Variants in RALGPS1 observed in about 807,000 individuals in gnomAD.
RALGPS1 encodes ras-specific guanine nucleotide-releasing factor RalGPS1.
Under a neutral mutation model 78.8 loss-of-function variants are expected in RALGPS1, and 19 were observed. The observed-to-expected ratio is 0.24, with a 90% CI of 0.17 to 0.35. RALGPS1 has a LOEUF of 0.35. RALGPS1 is among the 10% of genes least tolerant of loss of function. RALGPS1 has a pLI of 1.00. For synonymous variants in RALGPS1, 228 were observed against 256.3 expected (o/e 0.89, Z 1.06); for missense variants, 454 against 688.3 (o/e 0.66, Z 3.81).
chr9:127,026,496 C>T (rs1019421242), intron 4 of RALGPS1, among the ~76,000 whole-genome samples: 3 of 152,216 alleles, frequency 2.0e-5, no homozygotes, highest in African/African-American at 7.2e-5. Flanking sequence ...TGAGTTGTAA[C>T]AGTTTATATT....
intron 8 of RALGPS1, among the ~76,000 whole-genome samples, chr9:127,086,100 C>T (rs149834162): frequency 1.0e-3 from 155 of 152,198 alleles, no homozygotes; most frequent in Admixed American, 2.3e-3. Flanking sequence ...GTGAAGGTGA[C>T]GTAAAATGCA....
At chr9:126,989,973 G>A (rs1443813961) in intron 4 of RALGPS1, 2 of 1,550,526 alleles carry the variant, frequency 1.3e-6, no homozygotes, top group Non-Finnish European at 1.7e-6. Flanking sequence ...TGCAGTTCAG[G>A]AAAACACTGC....
chr9:127,131,362 A>G (rs2056992830), intron 8 of RALGPS1, among the ~76,000 whole-genome samples: 2 of 152,218 alleles, frequency 1.3e-5, no homozygotes, highest in Non-Finnish European at 2.9e-5. Context: ...AATATTGGGT[A>G]CTCACAGGCC....
rs539328639 is a variant in RALGPS1 at position 127,097,305 on chromosome 9, G to C, written c.610+27949G>C. On this transcript the variant is annotated intron_variant, in intron 8 of 18. Transcript: ENST00000259351. Reference sequence around the variant, plus strand: ...AGGCAAACGGGGTAATTCTTTTAAGGCTTTCTAGAATAATCGAGTAGGTAT... The same window carrying C: ...AGGCAAACGGGGTAATTCTTTTAAGCCTTTCTAGAATAATCGAGTAGGTAT... Among the ~76,000 whole-genome samples, 13 of 152,230 alleles carry C rather than the reference G, an allele frequency of 8.5e-5. No individual in the cohort carries two copies. In the South Asian group the frequency reaches 2.5e-3, roughly 29 times the overall value.
In RALGPS1 at chr9:127,212,115, G is replaced by A. The variant is rs1261888440; in HGVS notation, c.1248-16G>A. The A allele has an allele frequency of 1.9e-6, 3 of 1,600,626 alleles. No homozygotes were observed. Among genetic ancestry groups the A allele is most frequent in the African/African-American group, 1.3e-5 (1 of 74,378 alleles). On this transcript the variant is annotated splice_polypyrimidine_tract_variant and intron_variant, in intron 14 of 18. Coordinates refer to ENST00000259351, the MANE Select transcript of RALGPS1 (RefSeq NM_014636.3). This position sits in a 1 kb window ranked among gnomAD's most constrained non-coding sequence, Gnocchi z 6.0. ...AGCTCCTCCAGGGCGATGTCTGACTGGTAGTCTCTCCTCAGCCCCACCGGC... is the reference window on the plus strand; with the variant it reads ...AGCTCCTCCAGGGCGATGTCTGACTAGTAGTCTCTCCTCAGCCCCACCGGC...
chr9:127,186,561 A>G (rs1293992290), intron 11 of RALGPS1, among the ~76,000 whole-genome samples: 1 of 152,238 alleles, frequency 6.6e-6, no homozygotes, highest in East Asian at 1.9e-4. Flanking sequence ...GGGCAGGAAC[A>G]TGAGGCCTTT....
chr9:127,117,873 G>A (rs2055599273), intron 8 of RALGPS1, among the ~76,000 whole-genome samples: 1 of 152,224 alleles, frequency 6.6e-6, no homozygotes. Flanking sequence ...GGCATCTCTT[G>A]AAGATAAGAA....
chr9:127,066,698 C>T (rs1202969805), intron 7 of RALGPS1, among the ~76,000 whole-genome samples: 1 of 152,162 alleles, frequency 6.6e-6, no homozygotes, highest in Admixed American at 6.5e-5. Context: ...GTATGTGGTT[C>T]TGGTCTGAGT....
At chr9:127,176,931 C>T (rs1293081565) in intron 11 of RALGPS1, among the ~76,000 whole-genome samples, 1 of 152,206 alleles carries the variant, frequency 6.6e-6, no homozygotes, top group Non-Finnish European at 1.5e-5. Context: ...GTTCTCCTCC[C>T]CAGGCCCCTC....
intron 14 of RALGPS1, among the ~76,000 whole-genome samples, chr9:127,204,383 G>A (rs1173431537): frequency 6.6e-6 from 1 of 152,130 alleles, no homozygotes; most frequent in Admixed American, 6.5e-5. Context: ...CACTTCCAAA[G>A]TGCTGGGATG....
At chr9:126,956,249 C>CG (rs1564304192) in intron 1 of RALGPS1, among the ~76,000 whole-genome samples, 9 of 151,876 alleles carry the variant, frequency 5.9e-5, no homozygotes, top group South Asian at 4.2e-4. Flanking sequence ...GTTCTCAGGG[C>CG]GGGGCTAGGC....
intron 4 of RALGPS1, among the ~76,000 whole-genome samples, chr9:126,997,823 T>G (rs1027600822): frequency 6.6e-6 from 1 of 152,078 alleles, no homozygotes; most frequent in African/African-American, 2.4e-5. Flanking sequence ...AAAACAGAGA[T>G]ATGGACCAAT....
intron 14 of RALGPS1, among the ~76,000 whole-genome samples, chr9:127,204,078 A>G (rs1403875806): frequency 1.3e-5 from 2 of 152,178 alleles, no homozygotes; most frequent in African/African-American, 4.8e-5. Flanking sequence ...AGTACCTCTG[A>G]GCCTCCATTC....
Position 127,218,795 on chromosome 9 carries a change from C to T in RALGPS1, c.*26C>T, listed in dbSNP as rs745372068. 3 of 1,612,228 alleles carry T rather than the reference C, an allele frequency of 1.9e-6. No homozygotes were observed. In the Admixed American group the frequency reaches 5.0e-5, roughly 27 times the overall value. On this transcript the variant is annotated 3_prime_UTR_variant, in exon 19 of 19. Coordinates refer to ENST00000259351, the MANE Select transcript of RALGPS1 (RefSeq NM_014636.3). This position sits in a 1 kb window ranked among gnomAD's most constrained non-coding sequence, Gnocchi z 4.4. ...GTCTCTGCAGGACGTGGCATGACTT[C>T]AGAGGCTTCTGGGAACCCAGGCTGG...
chr9:126,956,114 C>T (rs1258957528), intron 1 of RALGPS1, among the ~76,000 whole-genome samples: 1 of 152,164 alleles, frequency 6.6e-6, no homozygotes, highest in Non-Finnish European at 1.5e-5. Flanking sequence ...CTTAGTTGAC[C>T]AGCAGAGACT....
At chr9:126,921,535 G>A (rs980787158) in intron 1 of RALGPS1, among the ~76,000 whole-genome samples, 4 of 152,188 alleles carry the variant, frequency 2.6e-5, no homozygotes, top group Non-Finnish European at 5.9e-5. Flanking sequence ...TAATTCCTTG[G>A]TTTTTCTGTA....
intron 10 of RALGPS1, among the ~76,000 whole-genome samples, chr9:127,174,033 G>A (rs906655082): frequency 9.2e-5 from 14 of 151,854 alleles, no homozygotes; most frequent in South Asian, 6.2e-4. Context: ...AGGCCGAGGC[G>A]GGCAGATCAT....
chr9:127,092,019 C>G lies in RALGPS1; in HGVS notation c.610+22663C>G, dbSNP rs917365006. 3.9e-5 allele frequency: 61 copies of G among 1,550,506 alleles called. No individual in the cohort carries two copies. The Middle Eastern group carries it at 6.0e-4, about 15-fold the overall frequency. On this transcript the variant is annotated intron_variant, in intron 8 of 18. Transcript: ENST00000259351. ...CAGGCTTGGCTGTCAGACACTCAGC[C>G]CTGGATAGAGGGGCCTGGGAAACAA...
chr9:127,065,958 G>T (rs1371603286), intron 7 of RALGPS1, among the ~76,000 whole-genome samples: 1 of 152,240 alleles, frequency 6.6e-6, no homozygotes, highest in Non-Finnish European at 1.5e-5. Context: ...ATCTGATACT[G>T]TCTGAGTCTC....
Sources: gnomAD v4.1 joint callset for allele counts (sites outside exome capture counted in the v4.1 genomes callset) on GRCh38, gnomAD v4.1.1 for gene constraint, Gnocchi (gnomAD v3.1) non-coding constraint, MANE v1.5 for transcripts, NCBI Gene and HGNC (gene_info 2026-07-23, HGNC 2026-07-21) for gene names.